The following CCDC91 variants were observed in gnomAD, a reference collection of about 807,000 sequenced individuals.
CCDC91 encodes the protein coiled-coil domain containing 91.
In CCDC91, 48 loss-of-function variants were observed where a neutral mutation model predicts 63.2. That is an observed-to-expected ratio of 0.76 (90% CI 0.60 to 0.97). The LOEUF is 0.97. Ranked by LOEUF, CCDC91 falls within the 50% of genes least tolerant of loss-of-function variation. CCDC91 has a pLI of 0.00. For synonymous variants in CCDC91, 167 were observed against 165.8 expected (o/e 1.01, Z -0.06); for missense variants, 500 against 494.6 (o/e 1.01, Z -0.10).
intron 2 of CCDC91, among the ~76,000 whole-genome samples, 162 bp from the exon 3 acceptor site, chr12:28,259,202 T>C (rs1946655367): frequency 6.6e-6 from 1 of 151,998 alleles, no homozygotes; most frequent in African/African-American, 2.4e-5. Context: ...TGAGTCATGA[T>C]AGGAGTGGTA....
chr12:28,441,298 A>T (rs1376550680), intron 8 of CCDC91, among the ~76,000 whole-genome samples: 3 of 152,086 alleles, frequency 2.0e-5, no homozygotes, highest in Non-Finnish European at 4.4e-5. Flanking sequence ...TACTGGTAGT[A>T]CAACCATTTT....
intron 1 of CCDC91, among the ~76,000 whole-genome samples, chr12:28,200,203 G>C (rs1275599112): frequency 2.7e-5 from 4 of 148,222 alleles, no homozygotes; most frequent in Non-Finnish European, 5.9e-5. Context: ...TGATTTTTGT[G>C]CCAGCTCAAA....
intron 1 of CCDC91, among the ~76,000 whole-genome samples, chr12:28,242,335 C>T: frequency 6.6e-6 from 1 of 152,128 alleles, no homozygotes; most frequent in East Asian, 1.9e-4. Context: ...GCTTGCCTGA[C>T]TTGTGTCCAG....
At position 28,348,912 on chromosome 12, in the gene CCDC91, C is replaced by T. The variant is rs567279748; in HGVS notation, c.577-13526C>T. Among the ~76,000 whole-genome samples, 9 of 152,088 alleles carry T rather than the reference C, an allele frequency of 5.9e-5. No individual in the cohort carries two copies. The South Asian group carries it at 6.2e-4, about 11-fold the overall frequency. ...CTAATTTTTCTACTTTTTGTAGAGA[C>T]GGTGTTTTGCTCTATTTCCTAGGCT... On this transcript the variant is annotated intron_variant, in intron 6 of 12. Transcript: ENST00000536442.
chr12:28,294,676 C>T (rs946499623), intron 3 of CCDC91, among the ~76,000 whole-genome samples: 11 of 152,098 alleles, frequency 7.2e-5, no homozygotes, highest in Non-Finnish European at 1.3e-4. Flanking sequence ...CCTCTACCTC[C>T]TGGGTTCAAG....
intron 3 of CCDC91, among the ~76,000 whole-genome samples, chr12:28,290,093 T>A (rs1429729565): frequency 2.6e-5 from 4 of 152,062 alleles, no homozygotes; most frequent in Non-Finnish European, 5.9e-5. Flanking sequence ...GATGCTCTAT[T>A]TCTGTCAGTG....
At chr12:28,450,724 A>C (rs1366673410) in intron 10 of CCDC91, among the ~76,000 whole-genome samples, 1 of 151,776 alleles carries the variant, frequency 6.6e-6, no homozygotes, top group Non-Finnish European at 1.5e-5. Flanking sequence ...TTGTGTGTGC[A>C]TCTGTGTATC....
intron 1 of CCDC91, among the ~76,000 whole-genome samples, chr12:28,201,804 T>G (rs1431834335): frequency 2.8e-5 from 4 of 144,678 alleles, no homozygotes; most frequent in African/African-American, 1.0e-4. Context: ...GGCTGGCGGA[T>G]CACTCGCGGC....
intron 12 of CCDC91, among the ~76,000 whole-genome samples, chr12:28,522,528 C>T (rs1940810510): frequency 6.6e-6 from 1 of 152,094 alleles, no homozygotes; most frequent in Admixed American, 6.6e-5. Context: ...AAACAAGCTC[C>T]TGGATGCATT....
At chr12:28,317,542 A>G (rs1940022244) in intron 6 of CCDC91, among the ~76,000 whole-genome samples, 1 of 151,970 alleles carries the variant, frequency 6.6e-6, no homozygotes, top group Non-Finnish European at 1.5e-5. Context: ...AATTGTTGAA[A>G]TGAAAAAAAT....
At chr12:28,237,235 T>TACACACACACACACACACACAC (rs58134900) in intron 1 of CCDC91, among the ~76,000 whole-genome samples, 72 of 143,122 alleles carry the variant, frequency 5.0e-4, no homozygotes, top group Middle Eastern at 3.5e-3. Context: ...GTATTACACA[T>TACACACACACACACACACACAC]ACACACACAC....
At chr12:28,452,379 A>C (rs1405528774) in intron 10 of CCDC91, 99 bp from the exon 11 acceptor site, 1 of 765,014 alleles carries the variant, frequency 1.3e-6, no homozygotes, top group Non-Finnish European at 2.1e-6. Flanking sequence ...TAAACACTAT[A>C]GGATCAAAGT....
chr12:28,450,527 GT>G, intron 10 of CCDC91, 109 bp downstream of exon 10: 1 of 812,420 alleles, frequency 1.2e-6, no homozygotes, highest in Non-Finnish European at 2.0e-6. Context: ...CATAAAAATC[GT>G]TTTTATTTCT....
At chr12:28,195,788 G>A (rs1941715281) in intron 1 of CCDC91, among the ~76,000 whole-genome samples, 1 of 152,140 alleles carries the variant, frequency 6.6e-6, no homozygotes, top group South Asian at 2.1e-4. Context: ...TCTTAAAAAT[G>A]TTGTTTTCTA....
chr12:28,283,936 G>A (rs1251770498), intron 3 of CCDC91, among the ~76,000 whole-genome samples: 5 of 152,114 alleles, frequency 3.3e-5, no homozygotes, highest in African/African-American at 9.7e-5. Context: ...TGAATTTAGT[G>A]GGGGTATGTT....
chr12:28,376,736 G>A (rs535659163), intron 7 of CCDC91, among the ~76,000 whole-genome samples: 26 of 151,798 alleles, frequency 1.7e-4, no homozygotes, highest in African/African-American at 5.5e-4. Context: ...AACTTTCTCC[G>A]TATACATCTA....
At chr12:28,300,288 A>G (rs1937915975) in intron 3 of CCDC91, among the ~76,000 whole-genome samples, 1 of 151,454 alleles carries the variant, frequency 6.6e-6, no homozygotes, top group Non-Finnish European at 1.5e-5. Context: ...CTTTTTTCCA[A>G]ACAACTAATC....
At chr12:28,546,447 A>C (rs1477848056) in intron 12 of CCDC91, among the ~76,000 whole-genome samples, 1 of 150,656 alleles carries the variant, frequency 6.6e-6, no homozygotes, top group African/African-American at 2.4e-5. Flanking sequence ...GAGATAGGTG[A>C]ATTGTTCAAG....
In CCDC91 at chr12:28,283,131, G is replaced by A. The variant is rs150541161; in HGVS notation, c.110-22518G>A. On this transcript the variant is annotated intron_variant, in intron 3 of 12. Transcript: ENST00000536442. ...CTATAGCCTTGTAGTATAATTTGAA[G>A]TCAGGTAATGTGATACCTTCAGATT... 2.5e-3 allele frequency among the ~76,000 whole-genome samples: 377 copies of A among 151,392 alleles called. 2 individuals are homozygous for A. The highest frequency in any genetic ancestry group is 6.9e-3 in the Middle Eastern group (2 of 288).
Sources: gnomAD v4.1 joint callset for allele counts (sites outside exome capture counted in the v4.1 genomes callset) on GRCh38, gnomAD v4.1.1 for gene constraint, MANE v1.5 for transcripts, NCBI Gene and HGNC (gene_info 2026-07-23, HGNC 2026-07-21) for gene names.